Variants in ZFAND2A observed in about 807,000 individuals in gnomAD.
ZFAND2A encodes the protein zinc finger AN1-type containing 2A, also known as AN1-type zinc finger protein 2A.
Under a neutral mutation model 11.6 loss-of-function variants are expected in ZFAND2A, and 20 were observed. The ratio of observed to expected loss-of-function variants is 1.72; its 90% CI spans 1.21 to 2.50. The LOEUF (loss-of-function observed/expected upper bound fraction) is 2.50. Ranked by LOEUF, ZFAND2A falls within the 30% of genes most tolerant of loss-of-function variation. The pLI, the probability that ZFAND2A is intolerant of heterozygous loss-of-function variation, is 0.00. For missense variants in ZFAND2A, 234 were observed against 182.9 expected (o/e 1.28, Z -1.61); for synonymous variants, 93 against 60.6 (o/e 1.54, Z -2.48).
downstream of ZFAND2A, among the ~76,000 whole-genome samples, chr7:1,151,762 T>TTAAAAAAAAAAAAAAAAAAAAAAAAAA (rs1554344524): frequency 3.4e-5 from 3 of 87,176 alleles, no homozygotes; most frequent in African/African-American, 1.7e-4. Context: ...TCATCCCTTT[T>TTAAAAAAAAAAAAAAAAAAAAAAAAAA]AAAAAAAAAA....
chr7:1,155,683 G>C, intron 3 of ZFAND2A, 99 bp from the exon 4 acceptor site: 1 of 1,479,632 alleles, frequency 6.8e-7, no homozygotes, highest in Non-Finnish European at 9.1e-7. Context: ...TAAACACAAA[G>C]AGAGGACAAA....
intron 2 of ZFAND2A, 107 bp downstream of exon 2, chr7:1,158,051 A>G (rs1793573553): frequency 3.5e-6 from 4 of 1,134,744 alleles, no homozygotes; most frequent in Non-Finnish European, 5.3e-6. Context: ...AGTTCCCAAT[A>G]CTGAGGAGCC....
chr7:1,152,963 C>T lies in ZFAND2A; in HGVS notation c.*106G>A. 6.9e-7 allele frequency: 1 copy of T among 1,440,748 alleles called. No individual in the cohort carries two copies. The highest frequency in any genetic ancestry group is 9.6e-7 in the Non-Finnish European group (1 of 1,040,674). 89.2% of individuals were successfully genotyped at this position (1,440,748 alleles called of 1,614,324 possible). A position where few individuals can be genotyped will look rare whatever the true frequency, so the allele number is the denominator to read the frequency against. On this transcript the variant is annotated 3_prime_UTR_variant, in exon 5 of 5. Transcript: ENST00000316495. ...CATCTCCCTCAACAAACAAGATCAG[C>T]AGCCAGTGTGGGATGGTGCTCAATG...
chr7:1,152,159 A>G, downstream of ZFAND2A: 6 of 1,443,666 alleles, frequency 4.2e-6, no homozygotes, highest in Non-Finnish European at 5.5e-6. Flanking sequence ...ATCGCGTCAC[A>G]CTGTGCAGTT....
At chr7:1,150,996 T>C (rs1793387999), downstream of ZFAND2A, among the ~76,000 whole-genome samples, 1 of 151,282 alleles carries the variant, frequency 6.6e-6, no homozygotes, top group Non-Finnish European at 1.5e-5. Context: ...CAAGTGATTC[T>C]CCTGCCTCAG....
At chr7:1,156,624 T>C (rs77384336) in intron 3 of ZFAND2A, among the ~76,000 whole-genome samples, 2 of 144,716 alleles carry the variant, frequency 1.4e-5, no homozygotes, top group Admixed American at 6.8e-5. Context: ...ACGCCCAGCA[T>C]GGCTAAAAAC....
chr7:1,152,472 A>T (rs1370645406), downstream of ZFAND2A: 1 of 1,166,442 alleles, frequency 8.6e-7, no homozygotes, highest in Non-Finnish European at 1.2e-6. Context: ...ACCAGGTGCA[A>T]CAGTTGAGGC....
rs750868386 is a variant in ZFAND2A, at chr7:1,153,181, TCTTTC to T, written c.321_325del (p.Lys108AspfsTer50). The T allele has an allele frequency of 1.2e-6, 2 of 1,614,116 alleles. No homozygotes were observed. The highest frequency in any genetic ancestry group is 1.7e-6 in the Non-Finnish European group (2 of 1,179,962). On this transcript the variant is annotated frameshift_variant, in exon 5 of 5. Transcript: ENST00000316495. LOFTEE classifies it low-confidence loss of function (END_TRUNC). ...TTGGGCACATACCATCTGCAGCATC[TCTTTC>T]TTCTTGCAGCCCTCTTTTGAGCAAC...
downstream of ZFAND2A, among the ~76,000 whole-genome samples, chr7:1,149,993 C>T (rs992211994): frequency 6.6e-6 from 1 of 151,952 alleles, no homozygotes; most frequent in African/African-American, 2.4e-5. Context: ...GCTGGGATTA[C>T]AGGCATGCAC....
intron 4 of ZFAND2A, 125 bp from the exon 5 acceptor site, chr7:1,153,349 G>A: frequency 3.9e-6 from 4 of 1,024,636 alleles, no homozygotes; most frequent in African/African-American, 1.6e-5. Flanking sequence ...CTGGACTCAA[G>A]TGATTCTCCT....
At chr7:1,152,541 A>G (rs1793419059), downstream of ZFAND2A, among the ~76,000 whole-genome samples, 3 of 152,194 alleles carry the variant, frequency 2.0e-5, no homozygotes, top group South Asian at 6.2e-4. Flanking sequence ...TCATGTCCCC[A>G]CAAGACATGC....
In ZFAND2A at chr7:1,157,560, T is replaced by A. The variant is rs1793558511; in HGVS notation, c.150+96A>T. 1.8e-5 allele frequency: 22 copies of A among 1,213,172 alleles called. 1 individual carries two copies. The South Asian group carries it at 2.9e-4, about 16-fold the overall frequency. 75.2% of individuals were successfully genotyped at this position (1,213,172 alleles called of 1,614,324 possible). ...CTGGATTTTAAAATTTAATTTTCAA[T>A]GAGTTAGCCATACGTCGCTAGTCCC... is the stretch of plus-strand genomic sequence containing the variant. On this transcript the variant is annotated intron_variant, in intron 3 of 4. Transcript: ENST00000316495.
At chr7:1,158,097 G>A in intron 2 of ZFAND2A, 61 bp downstream of exon 2, 1 of 1,518,796 alleles carries the variant, frequency 6.6e-7, no homozygotes. Flanking sequence ...CTAATTAACA[G>A]AACAGCCAGC....
Position 1,153,230 on chromosome 7 carries a change from AGAGCAAAGT to A in ZFAND2A, c.283-15_283-7del. 6.2e-7 allele frequency: 1 copy of A among 1,609,838 alleles called. No individual in the cohort carries two copies. Among genetic ancestry groups the A allele is most frequent in the Non-Finnish European group, 8.5e-7 (1 of 1,176,332 alleles). The stretch of plus-strand genomic sequence containing the variant: ...GAGCAACGGTATGTAAAAATCTAAG[AGAGCAAAGT>A]GACTTCAACAAGCAATTCTTTTTTT... On this transcript the variant is annotated splice_region_variant and splice_polypyrimidine_tract_variant and intron_variant, in intron 4 of 4. Transcript: ENST00000316495.
At chr7:1,157,446 C>T (rs1171475366) in intron 3 of ZFAND2A, 2 of 446,116 alleles carry the variant, frequency 4.5e-6, no homozygotes, top group East Asian at 7.9e-5. Flanking sequence ...GTCTGAGAGT[C>T]ATCCAACAGA....
chr7:1,152,457 ACAC>A, downstream of ZFAND2A: 1 of 1,306,588 alleles, frequency 7.7e-7, no homozygotes, highest in East Asian at 2.6e-5. Context: ...TGGACGCCAG[ACAC>A]CACCAGGTGC....
At chr7:1,150,406 TCAGAA>T (rs1341700306), downstream of ZFAND2A, among the ~76,000 whole-genome samples, 2 of 152,144 alleles carry the variant, frequency 1.3e-5, no homozygotes, top group Non-Finnish European at 2.9e-5. Context: ...CCAGGGCAGT[TCAGAA>T]CAGGACAGAA....
intron 3 of ZFAND2A, 85 bp from the exon 4 acceptor site, chr7:1,155,669 C>A: frequency 6.6e-7 from 1 of 1,520,282 alleles, no homozygotes; most frequent in Non-Finnish European, 8.9e-7. Context: ...CTGTGCGGCA[C>A]ACTTAAACAC....
chr7:1,149,548 C>T (rs944845877), downstream of ZFAND2A, among the ~76,000 whole-genome samples: 4 of 152,210 alleles, frequency 2.6e-5, no homozygotes, highest in South Asian at 2.1e-4. Flanking sequence ...AGCATAGCAA[C>T]GGTCACATGT....
Sources: allele counts gnomAD v4.1 joint callset (sites outside exome capture counted in the v4.1 genomes callset), GRCh38; gene constraint gnomAD v4.1.1; transcripts MANE v1.5; gene names NCBI Gene and HGNC (gene_info 2026-07-23, HGNC 2026-07-21).